TPO: variants seen among roughly 807,000 people sequenced by gnomAD.
TPO encodes the protein thyroid microsomal antigen.
In TPO, 78 loss-of-function variants were observed where a neutral mutation model predicts 96.9. The ratio of observed to expected loss-of-function variants is 0.81; its 90% confidence interval spans 0.67 to 0.97. The LOEUF (loss-of-function observed/expected upper bound fraction) is 0.97. TPO is among the 50% of genes least tolerant of loss of function. The pLI, the probability that TPO is intolerant of heterozygous loss-of-function variation, is 0.00. For missense variants in TPO, 1,252 were observed against 1,274.8 expected (o/e 0.98, Z 0.27); for synonymous variants, 547 against 538.0 (o/e 1.02, Z -0.23).
chr2:1,438,555 C>T (rs1182293569), intron 5 of TPO, among the ~76,000 whole-genome samples: 2 of 151,984 alleles, frequency 1.3e-5, no homozygotes, highest in African/African-American at 2.4e-5. Flanking sequence ...CTACGGAGGT[C>T]GACCCAGGGG....
At chr2:1,409,794 G>A (rs564149321), upstream of TPO, among the ~76,000 whole-genome samples, 1,545 of 150,438 alleles carry the variant, frequency 0.01, 30 homozygotes, top group African/African-American at 0.034. Context: ...AACAGTGCGC[G>A]CACACACACA....
chr2:1,395,604 T>A (rs1662067420), intron 1 of TPO, among the ~76,000 whole-genome samples: 1 of 152,072 alleles, frequency 6.6e-6, no homozygotes, highest in South Asian at 2.1e-4. Flanking sequence ...TAATGAGTGG[T>A]CTGGTTTGAC....
At chr2:1,448,340 C>T (rs114397371) in intron 5 of TPO, among the ~76,000 whole-genome samples, 6,610 of 152,292 alleles carry the variant, frequency 0.043, 218 homozygotes, top group Middle Eastern at 0.071. Context: ...ATGTCAGGTC[C>T]GCCTCCTTTC....
rs79171266 is a variant in TPO at position 1,483,449 on chromosome 2, T to C, written c.1339-1147T>C. On this transcript the variant is annotated intron_variant, in intron 8 of 16. Transcript: ENST00000329066. Reference sequence around the variant, plus strand: ...TGTAGTGAGAAGAAACCAAAGAATGTTCCAGGGAACAGAAGGTGCTGCCTG... The same window carrying C: ...TGTAGTGAGAAGAAACCAAAGAATGCTCCAGGGAACAGAAGGTGCTGCCTG... Among the ~76,000 whole-genome samples the C allele has an allele frequency of 0.047, 7,193 of 152,280 alleles. 225 individuals carry two copies. The highest frequency in any genetic ancestry group is 0.13 in the Middle Eastern group (37 of 294).
intron 1 of TPO, among the ~76,000 whole-genome samples, chr2:1,403,368 C>T (rs191731665): frequency 6.6e-6 from 1 of 152,320 alleles, no homozygotes; most frequent in East Asian, 1.9e-4. Context: ...TGCTCTCCCT[C>T]CTCCTACCAT....
At position 1,526,399 on chromosome 2, in the gene TPO, A is replaced by G. The variant is rs59134636; in HGVS notation, c.2618+9417A>G. On this transcript the variant is annotated intron_variant, in intron 15 of 16. Transcript: ENST00000329066. ...CCCCAAATGCCCCCCAATGTGAGCAACCCCCCCAAATCAACATGCTGTGTG... is the reference window on the plus strand; with the variant it reads ...CCCCAAATGCCCCCCAATGTGAGCAGCCCCCCCAAATCAACATGCTGTGTG... 1.6e-4 allele frequency among the ~76,000 whole-genome samples: 8 copies of G among 51,506 alleles called. No homozygotes were observed. In the South Asian group the frequency reaches 2.7e-3, roughly 17 times the overall value. 33.8% of individuals were successfully genotyped at this position (51,506 alleles called of 152,430 possible).
At chr2:1,415,009 A>G (rs1179851453) in intron 2 of TPO, among the ~76,000 whole-genome samples, 2 of 152,240 alleles carry the variant, frequency 1.3e-5, no homozygotes, top group African/African-American at 4.8e-5. Context: ...TTGCCTGGAC[A>G]TTTTACCCCA....
chr2:1,508,158 T>C (rs1442262346), intron 14 of TPO, among the ~76,000 whole-genome samples: 1 of 152,138 alleles, frequency 6.6e-6, no homozygotes, highest in African/African-American at 2.4e-5. Context: ...GGTTTTTGTC[T>C]TTGATTCTGT....
Position 1,453,726 on chromosome 2 carries a change from C to A in TPO, c.515C>A (p.Ala172Asp). Reference sequence around the variant, plus strand: ...CCCAGATGGGGCGCCTCCAACACGGCCCTGGCACGATGGCTCCCTCCAGTC... The same window carrying A: ...CCCAGATGGGGCGCCTCCAACACGGACCTGGCACGATGGCTCCCTCCAGTC... ...DHPRWGASNTALARWLPPVYE... is the reference protein window; with the variant it reads ...DHPRWGASNTDLARWLPPVYE... The change falls in exon 6 of 17, where the codon GCC becomes GAC. Residue 172 changes from alanine to aspartate, a missense_variant. By Grantham distance (126) the Ala-to-Asp change is moderately radical. Transcript: ENST00000329066. 6.2e-7 allele frequency: 1 copy of A among 1,613,984 alleles called. No homozygotes were observed. The highest frequency in any genetic ancestry group is 8.5e-7 in the Non-Finnish European group (1 of 1,180,040).
At position 1,542,842 on chromosome 2, in the gene TPO, A is replaced by G; in HGVS notation, c.*368A>G. 2.5e-6 allele frequency: 1 copy of G among 405,066 alleles called. No homozygotes were observed. Among genetic ancestry groups the G allele is most frequent in the East Asian group, 6.0e-5 (1 of 16,592 alleles). 25.1% of individuals were successfully genotyped at this position (405,066 alleles called of 1,614,324 possible). ...ACTCTGCCCCGGCGGTCCCTCCAGC[A>G]CTGGTTTTTCCACACCCCCTGCCCA... is the stretch of plus-strand genomic sequence containing the variant. On this transcript the variant is annotated 3_prime_UTR_variant, in exon 17 of 17. Transcript: ENST00000329066.
intron 13 of TPO, among the ~76,000 whole-genome samples, chr2:1,500,498 G>A (rs1192494134): frequency 6.6e-6 from 1 of 152,154 alleles, no homozygotes; most frequent in African/African-American, 2.4e-5. Flanking sequence ...ATGGTAAATT[G>A]ATAAGAATAT....
At chr2:1,421,649 A>G (rs1663543449) in intron 2 of TPO, among the ~76,000 whole-genome samples, 1 of 152,246 alleles carries the variant, frequency 6.6e-6, no homozygotes, top group Non-Finnish European at 1.5e-5. Context: ...TTAGAAGGAA[A>G]TAAGAGGAAA....
chr2:1,524,006 C>A (rs1199687294), intron 15 of TPO, among the ~76,000 whole-genome samples: 4 of 97,510 alleles, frequency 4.1e-5, no homozygotes, highest in Non-Finnish European at 6.1e-5. Context: ...TGCAAACTCA[C>A]CAAATCCCCC....
At chr2:1,529,063 C>G (rs1328591200) in intron 15 of TPO, among the ~76,000 whole-genome samples, 1 of 139,402 alleles carries the variant, frequency 7.2e-6, no homozygotes, top group Non-Finnish European at 1.5e-5. Flanking sequence ...CCAGTGTGTG[C>G]AACTTCCCTA....
intron 1 of TPO, among the ~76,000 whole-genome samples, chr2:1,381,087 C>T (rs1661802616): frequency 6.6e-6 from 1 of 152,124 alleles, no homozygotes; most frequent in Non-Finnish European, 1.5e-5. Context: ...AAGGTAATAC[C>T]ATTCAGGACA....
intron 3 of TPO, among the ~76,000 whole-genome samples, chr2:1,431,254 T>C (rs1274471472): frequency 6.6e-6 from 1 of 152,124 alleles, no homozygotes; most frequent in Non-Finnish European, 1.5e-5. Context: ...TTTTACGTTG[T>C]GTGGCACCTG....
intron 15 of TPO, among the ~76,000 whole-genome samples, chr2:1,520,045 A>C (rs933777694): frequency 1.3e-5 from 2 of 152,188 alleles, no homozygotes; most frequent in Non-Finnish European, 2.9e-5. Flanking sequence ...GTGGATGTTA[A>C]TGTGCCATCA....
At chr2:1,477,635 G>A (rs1002055403) in intron 8 of TPO, 31 bp downstream of exon 8, 3 of 1,461,450 alleles carry the variant, frequency 2.1e-6, no homozygotes, top group Non-Finnish European at 2.7e-6. Flanking sequence ...CGCCCTGGGT[G>A]GCTGCGGGCA....
chr2:1,470,677 C>T (rs184261807), intron 7 of TPO, among the ~76,000 whole-genome samples: 25 of 152,188 alleles, frequency 1.6e-4, no homozygotes, highest in African/African-American at 5.8e-4. Flanking sequence ...ATGGTGAGAG[C>T]AGCATCTGCC....
Sources: gnomAD v4.1 joint callset for allele counts (sites outside exome capture counted in the v4.1 genomes callset) on GRCh38, gnomAD v4.1.1 for gene constraint, MANE v1.5 for transcripts, NCBI Gene and HGNC (gene_info 2026-07-23, HGNC 2026-07-21) for gene names.